FAM3C: variants seen among roughly 807,000 people sequenced by gnomAD.
The protein encoded by FAM3C is protein FAM3C.
FAM3C carries 15 observed loss-of-function variants against 32.5 expected under a neutral mutation model. The ratio of observed to expected loss-of-function variants is 0.46; its 90% CI spans 0.31 to 0.71. FAM3C has a LOEUF of 0.71. FAM3C is among the 30% of genes least tolerant of loss of function. FAM3C has a pLI of 0.05. For missense variants in FAM3C, 175 were observed against 274.4 expected, an observed-to-expected ratio of 0.64 and a Z score of 2.56; for synonymous variants, 75 against 86.1, an observed-to-expected ratio of 0.87 and a Z score of 0.72.
chr7:121,384,802 T>C (rs1051101593), intron 1 of FAM3C, among the ~76,000 whole-genome samples: 1 of 152,214 alleles, frequency 6.6e-6, no homozygotes, highest in Non-Finnish European at 1.5e-5. Flanking sequence ...AGCCATAACA[T>C]GCCTCAATTA....
At chr7:121,379,086 T>C in intron 2 of FAM3C, 72 bp from the exon 3 acceptor site, 1 of 839,598 alleles carries the variant, frequency 1.2e-6, no homozygotes, top group Non-Finnish European at 1.9e-6. Context: ...CTATGAAAAA[T>C]GTTTATAAAT....
chr7:121,376,563 C>G (rs1041071854), intron 3 of FAM3C, among the ~76,000 whole-genome samples: 9 of 152,188 alleles, frequency 5.9e-5, no homozygotes, highest in Admixed American at 1.3e-4. Flanking sequence ...ACCAGCTGAG[C>G]ATCTCTAATC....
At position 121,383,025 on chromosome 7, in the gene FAM3C, C is replaced by CA. The variant is rs1200758560; in HGVS notation, c.-41-16dup. On this transcript the variant is annotated splice_polypyrimidine_tract_variant and intron_variant, in intron 1 of 9. Transcript: ENST00000359943. ...TTAATATGCTCCTAAAAAATCAAAACAAAAAGCAAATATCATTAGCTCTAG... is the reference window on the plus strand; with the variant it reads ...TTAATATGCTCCTAAAAAATCAAAACAAAAAAGCAAATATCATTAGCTCTAG... The CA allele has an allele frequency of 1.4e-6, 2 of 1,427,530 alleles. No individual in the cohort carries two copies. Among genetic ancestry groups the CA allele is most frequent in the Non-Finnish European group, 2.0e-6 (2 of 1,021,210 alleles). The allele number at this position is 1,427,530 out of a possible 1,614,324, so 88.4% of individuals were successfully genotyped here. A position where few individuals can be genotyped will look rare whatever the true frequency, so the allele number is the denominator to read the frequency against.
intron 8 of FAM3C, chr7:121,351,547 C>T (rs190710097): frequency 3.8e-5 from 12 of 317,986 alleles, no homozygotes; most frequent in Admixed American, 3.0e-4. Flanking sequence ...TTTTAAATTA[C>T]ACTCATCAAA....
At chr7:121,372,361 C>T (rs190997774) in intron 3 of FAM3C, among the ~76,000 whole-genome samples, 159 of 152,176 alleles carry the variant, frequency 1.0e-3, no homozygotes, top group African/African-American at 3.7e-3. Context: ...ACTGATAAAA[C>T]ATTTTATTTT....
At chr7:121,379,087 GT>G in intron 2 of FAM3C, 73 bp from the exon 3 acceptor site, 1 of 831,874 alleles carries the variant, frequency 1.2e-6, no homozygotes, top group Non-Finnish European at 1.9e-6. Context: ...TATGAAAAAT[GT>G]TTATAAATTT....
At chr7:121,364,398 A>G (rs1307769348) in intron 5 of FAM3C, 1 of 465,422 alleles carries the variant, frequency 2.1e-6, no homozygotes, top group African/African-American at 2.0e-5. Flanking sequence ...AATATTTCAC[A>G]AATAGAAATA....
chr7:121,369,991 G>A (rs1232863951), intron 5 of FAM3C, among the ~76,000 whole-genome samples: 1 of 152,194 alleles, frequency 6.6e-6, no homozygotes, highest in Non-Finnish European at 1.5e-5. Flanking sequence ...CATCAAGGGG[G>A]CAGAATAGAT....
intron 8 of FAM3C, 89 bp downstream of exon 8, chr7:121,359,954 C>T: frequency 1.4e-6 from 1 of 738,194 alleles, no homozygotes; most frequent in Non-Finnish European, 2.3e-6. Flanking sequence ...GATTACTTTG[C>T]TCTATGTTAC....
rs1384897590 is a variant in FAM3C, at chr7:121,371,345, C to T, written c.227G>A (p.Gly76Glu). ...EKHFAFKMAS[G>E]AANVVGPKIC... ...TTTGGGTCCCACCACGTTGGCTGCT[C>T]CACTTGCCATTTTAAAAGCAAAATG... is the stretch of plus-strand genomic sequence containing the variant. Residue 76 changes from glycine to glutamate, a missense_variant, in exon 5 of 10, where the codon GGA (glycine) becomes GAA (glutamate). Coordinates refer to ENST00000359943, the MANE Select transcript of FAM3C (RefSeq NM_014888.3). The T allele has an allele frequency of 6.2e-7, 1 of 1,613,794 alleles. No individual in the cohort carries two copies. Among genetic ancestry groups the T allele is most frequent in the Non-Finnish European group, 8.5e-7 (1 of 1,179,898 alleles).
At chr7:121,388,662 A>T (rs550180153) in intron 1 of FAM3C, among the ~76,000 whole-genome samples, 101 of 152,270 alleles carry the variant, frequency 6.6e-4, no homozygotes, top group African/African-American at 2.4e-3. Flanking sequence ...ATCTATGCCT[A>T]GATTTTTGAC....
At chr7:121,372,072 A>C (rs1168010617) in intron 4 of FAM3C, 38 bp downstream of exon 4, 1 of 1,529,304 alleles carries the variant, frequency 6.5e-7, no homozygotes, top group Non-Finnish European at 9.0e-7. Flanking sequence ...CCTAAGGCAG[A>C]ATAAATCATA....
At chr7:121,371,254 G>A (rs919264526) in intron 5 of FAM3C, 46 bp downstream of exon 5, 40 of 1,596,520 alleles carry the variant, frequency 2.5e-5, no homozygotes, top group Non-Finnish European at 3.3e-5. Context: ...TCAATTGGCT[G>A]CAATTTAATA....
In FAM3C at chr7:121,365,137, G is replaced by A. The variant is rs1794000663; in HGVS notation, c.273-949C>T. Among the ~76,000 whole-genome samples the A allele has an allele frequency of 2.6e-5, 4 of 151,992 alleles. No individual in the cohort carries two copies. In the South Asian group the frequency reaches 6.2e-4, roughly 24 times the overall value. ...ACACAATTTCATAAATAAAATCTAC[G>A]ATGTACTTTATTATAAATCTCAGTC... On this transcript the variant is annotated intron_variant, in intron 5 of 9. Transcript: ENST00000359943.
chr7:121,388,497 A>G (rs910784419), intron 1 of FAM3C, among the ~76,000 whole-genome samples: 19 of 152,288 alleles, frequency 1.2e-4, no homozygotes, highest in African/African-American at 3.8e-4. Context: ...AAGATCACCA[A>G]TGATTATGAT....
chr7:121,392,966 A>T (rs1212480762), intron 1 of FAM3C, among the ~76,000 whole-genome samples: 2 of 152,174 alleles, frequency 1.3e-5, no homozygotes, highest in Non-Finnish European at 2.9e-5. Context: ...ACACATATTG[A>T]ATTATTCAAT....
rs980704537 is a variant in FAM3C, at chr7:121,352,339, T to C, written c.468-1070A>G. Reference sequence around the variant, plus strand: ...TTATGGTTTTTTTAAAAAAGCTTCATAAAACAGGAAAGAACTACATATATC... The same window carrying C: ...TTATGGTTTTTTTAAAAAAGCTTCACAAAACAGGAAAGAACTACATATATC... On this transcript the variant is annotated intron_variant, in intron 8 of 9. Transcript: ENST00000359943. Among the ~76,000 whole-genome samples, 5 of 152,138 alleles carry C rather than the reference T, an allele frequency of 3.3e-5. No homozygotes were observed. The South Asian group carries it at 1.0e-3, about 31-fold the overall frequency.
At chr7:121,384,560 T>A (rs1177552011) in intron 1 of FAM3C, among the ~76,000 whole-genome samples, 1 of 152,190 alleles carries the variant, frequency 6.6e-6, no homozygotes, top group Non-Finnish European at 1.5e-5. Flanking sequence ...AGGTACTTGA[T>A]GTTCTATTTC....
chr7:121,357,316 T>C lies in FAM3C; in HGVS notation c.467+2727A>G, dbSNP rs528863091. ...TTGGAAAGAGCAGGGACATTCAGTGTACGCACTTAACTTTCTTGAGTATAA... is the reference window on the plus strand; with the variant it reads ...TTGGAAAGAGCAGGGACATTCAGTGCACGCACTTAACTTTCTTGAGTATAA... On this transcript the variant is annotated intron_variant, in intron 8 of 9. Transcript: ENST00000359943. Among the ~76,000 whole-genome samples the C allele has an allele frequency of 3.9e-5, 6 of 152,282 alleles. No individual in the cohort carries two copies. The South Asian group carries it at 1.2e-3, about 32-fold the overall frequency.
Sources: allele counts gnomAD v4.1 joint callset (sites outside exome capture counted in the v4.1 genomes callset), GRCh38; gene constraint gnomAD v4.1.1; transcripts MANE v1.5; gene names NCBI Gene and HGNC (gene_info 2026-07-23, HGNC 2026-07-21).